PREX1: variants seen among roughly 807,000 people sequenced by gnomAD.
The protein encoded by PREX1 is phosphatidylinositol-3,4,5-trisphosphate dependent Rac exchange factor 1, also known as phosphatidylinositol 3,4,5-trisphosphate-dependent Rac exchanger 1 protein.
Under a neutral mutation model 198.3 loss-of-function variants are expected in PREX1, and 41 were observed. The observed-to-expected ratio is 0.21, with a 90% CI of 0.16 to 0.27. The LOEUF (loss-of-function observed/expected upper bound fraction) is 0.27, where lower values mean the gene tolerates loss of function less well. Among genes scored for constraint, PREX1 ranks in the 10% least tolerant of loss-of-function variants. PREX1 has a pLI of 1.00. For synonymous variants in PREX1, 843 were observed against 887.2 expected, an observed-to-expected ratio of 0.95 and a Z score of 0.89; for missense variants, 1,620 against 2,200.7, an observed-to-expected ratio of 0.74 and a Z score of 5.28.
the PREX1 span, among the ~76,000 whole-genome samples, chr20:48,859,561 G>A: frequency 6.6e-6 from 1 of 152,192 alleles, no homozygotes; most frequent in Non-Finnish European, 1.5e-5. Flanking sequence ...ACAAGTGTTG[G>A]GTGAGGATGT....
chr20:48,801,021 G>C (rs1335386611), intron 1 of PREX1, among the ~76,000 whole-genome samples: 1 of 152,154 alleles, frequency 6.6e-6, no homozygotes, highest in Non-Finnish European at 1.5e-5. Context: ...CTTACTAGCT[G>C]GGTAACCTTT....
At chr20:48,736,532 C>T (rs2090057813) in intron 3 of PREX1, among the ~76,000 whole-genome samples, 1 of 152,208 alleles carries the variant, frequency 6.6e-6, no homozygotes. Context: ...CCCAACACTG[C>T]CCAGGCAGAC....
chr20:48,642,109 G>T, intron 29 of PREX1, 59 bp downstream of exon 29: 1 of 1,545,994 alleles, frequency 6.5e-7, no homozygotes, highest in Non-Finnish European at 8.9e-7. Flanking sequence ...CGGGTACGCC[G>T]CCCTGTCTAA....
At position 48,645,786 on chromosome 20, in the gene PREX1, G is replaced by T. The variant is rs1197794747; in HGVS notation, c.3512+65C>A. On this transcript the variant is annotated intron_variant, in intron 26 of 39. Coordinates refer to ENST00000371941, the MANE Select transcript of PREX1 (RefSeq NM_020820.4). ...TCCACTGATTCTGATGTTGCCACGG[G>T]TCCGTGGCCTCACCTGTCCAGGGCC... 7 of 1,537,850 alleles carry T rather than the reference G, an allele frequency of 4.6e-6. No individual in the cohort carries two copies. The Admixed American group carries it at 1.3e-4, about 28-fold the overall frequency.
intron 39 of PREX1, among the ~76,000 whole-genome samples, chr20:48,627,184 G>A (rs1177862930): frequency 6.6e-6 from 1 of 151,406 alleles, no homozygotes; most frequent in East Asian, 1.9e-4. Flanking sequence ...CCGCTCAGGG[G>A]TCAGGGACTC....
chr20:48,692,815 TC>T (rs2089826337), intron 7 of PREX1, 25 bp from the exon 8 acceptor site: 1 of 1,585,502 alleles, frequency 6.3e-7, no homozygotes, highest in African/African-American at 1.3e-5. Flanking sequence ...GAAGTCAGTG[TC>T]CCCTACACGT....
chr20:48,774,072 G>T (rs1165499029), intron 1 of PREX1, among the ~76,000 whole-genome samples: 2 of 152,184 alleles, frequency 1.3e-5, no homozygotes, highest in Non-Finnish European at 2.9e-5. Context: ...TGTACCACTG[G>T]CAAGGATGAA....
chr20:48,827,921 A>G lies in PREX1; in HGVS notation c.-61T>C, dbSNP rs2090517524. On this transcript the variant is annotated 5_prime_UTR_variant, in exon 1 of 40. Transcript: ENST00000371941. This position sits in a 1 kb window ranked among gnomAD's most constrained non-coding sequence, Gnocchi z 4.1. ...GCGCCGAGCGGCAACTCAGGCGTCC[A>G]GGCGCCCCATCCCGGACGGGGCGCG... is the stretch of plus-strand genomic sequence containing the variant. 1.5e-5 allele frequency: 11 copies of G among 723,930 alleles called. No homozygotes were observed. The Admixed American group carries it at 3.2e-4, about 21-fold the overall frequency. The allele number at this position is 723,930 out of a possible 1,614,324, so 44.8% of individuals were successfully genotyped here.
chr20:48,646,675 C>CAAAAAA (rs552888256), intron 25 of PREX1, among the ~76,000 whole-genome samples: 1 of 82,528 alleles, frequency 1.2e-5, no homozygotes, highest in African/African-American at 4.7e-5. Context: ...GAACCCATCT[C>CAAAAAA]AAAAAAAAAA....
At chr20:48,825,751 AAGG>A (rs1315377057) in intron 1 of PREX1, among the ~76,000 whole-genome samples, 3 of 151,776 alleles carry the variant, frequency 2.0e-5, no homozygotes, top group Non-Finnish European at 2.9e-5. Context: ...AGTGGCTCAG[AAGG>A]AGAAGTCAGG....
chr20:48,750,743 G>A (rs1008174563), intron 1 of PREX1, among the ~76,000 whole-genome samples: 17 of 152,320 alleles, frequency 1.1e-4, no homozygotes, highest in Admixed American at 2.6e-4. Flanking sequence ...GACAGATGAG[G>A]AAACTGAGGT....
the PREX1 span, among the ~76,000 whole-genome samples, chr20:48,866,042 C>A: frequency 6.6e-6 from 1 of 151,304 alleles, no homozygotes; most frequent in East Asian, 1.9e-4. Context: ...TCAACTTCCT[C>A]GGCTCAAGCA....
At chr20:48,635,629 C>T (rs1031513994) in intron 32 of PREX1, among the ~76,000 whole-genome samples, 1 of 152,228 alleles carries the variant, frequency 6.6e-6, no homozygotes, top group African/African-American at 2.4e-5. Flanking sequence ...CAAGCGTCAC[C>T]ACCTCACACA....
At chr20:48,771,991 C>T (rs1031420461) in intron 1 of PREX1, among the ~76,000 whole-genome samples, 7 of 152,074 alleles carry the variant, frequency 4.6e-5, no homozygotes, top group South Asian at 2.1e-4. Context: ...TTCAGGAGTT[C>T]GAGACCACCC....
rs2090124652 is a variant in PREX1, at chr20:48,749,517, A to G, written c.220-1637T>C. Among the ~76,000 whole-genome samples the G allele has an allele frequency of 5.3e-5, 8 of 152,188 alleles. No individual in the cohort carries two copies. In the South Asian group the frequency reaches 1.2e-3, roughly 24 times the overall value. ...CCAAGATAGTGCTGGGGTCAGGGGA[A>G]GCGGAGCAGGTAAGCAGAGAGGAGG... On this transcript the variant is annotated intron_variant, in intron 1 of 39. Coordinates refer to ENST00000371941, the MANE Select transcript of PREX1 (RefSeq NM_020820.4).
the PREX1 span, among the ~76,000 whole-genome samples, chr20:48,840,523 T>C: frequency 6.6e-6 from 1 of 152,278 alleles, no homozygotes; most frequent in African/African-American, 2.4e-5. Context: ...GCCATGGGGT[T>C]TGTACATATT....
chr20:48,719,028 T>C lies in PREX1; in HGVS notation c.621+7262A>G, dbSNP rs140919560. Among the ~76,000 whole-genome samples, 289 of 152,364 alleles carry C rather than the reference T, an allele frequency of 1.9e-3. 3 individuals are homozygous for C. Among genetic ancestry groups the C allele is most frequent in the Middle Eastern group, 6.8e-3 (2 of 294 alleles). ...GTATGCAAAATGCTTTCATGAGTTT[T>C]TTCATGCATTGTCTCATCTGATCTT... On this transcript the variant is annotated intron_variant, in intron 5 of 39. Coordinates refer to ENST00000371941, the MANE Select transcript of PREX1 (RefSeq NM_020820.4).
chr20:48,791,513 T>C (rs1438724121), intron 1 of PREX1, among the ~76,000 whole-genome samples: 1 of 152,196 alleles, frequency 6.6e-6, no homozygotes, highest in Non-Finnish European at 1.5e-5. Flanking sequence ...AGTCTCGTTT[T>C]ATGACCCTGG....
the PREX1 span, among the ~76,000 whole-genome samples, chr20:48,864,343 C>T: frequency 6.6e-6 from 1 of 152,120 alleles, no homozygotes; most frequent in Non-Finnish European, 1.5e-5. Context: ...GAGAGATGTC[C>T]GTTACTGGGG....
Sources: allele counts gnomAD v4.1 joint callset (sites outside exome capture counted in the v4.1 genomes callset), GRCh38; gene constraint gnomAD v4.1.1; non-coding constraint Gnocchi (gnomAD v3.1); transcripts MANE v1.5; gene names NCBI Gene and HGNC (gene_info 2026-07-23, HGNC 2026-07-21).